PAPLN: variants seen among roughly 807,000 people sequenced by gnomAD.
PAPLN encodes papilin.
PAPLN carries 146 observed loss-of-function variants against 159.0 expected under a neutral mutation model. That is an observed-to-expected ratio of 0.92 (90% CI 0.80 to 1.05). The LOEUF (loss-of-function observed/expected upper bound fraction) is 1.05. Ranked by LOEUF, PAPLN falls within the 50% of genes least tolerant of loss-of-function variation. The pLI is 0.00. For synonymous variants in PAPLN, 734 were observed against 702.9 expected (o/e 1.04, Z -0.70); for missense variants, 1,720 against 1,743.9 (o/e 0.99, Z 0.24).
In PAPLN at chr14:73,260,650, G is replaced by A. The variant is rs372955610; in HGVS notation, c.1986-59G>A. ...TGGGGAGCCTCAGAGCCTGGGTCCT[G>A]GGATGCAGGGAGCGTGGGGGCAGGC... On this transcript the variant is annotated intron_variant, in intron 16 of 26. Transcript: ENST00000644200. 2.9e-5 allele frequency: 40 copies of A among 1,387,228 alleles called. 1 individual carries two copies. The South Asian group carries it at 4.3e-4, about 15-fold the overall frequency. 85.9% of individuals were successfully genotyped at this position (1,387,228 alleles called of 1,614,324 possible).
chr14:73,250,110 G>A lies in PAPLN; in HGVS notation c.461G>A (p.Cys154Tyr), dbSNP rs369371413. 3.7e-6 allele frequency: 6 copies of A among 1,606,882 alleles called. No homozygotes were observed. In the African/African-American group the frequency reaches 5.3e-5, roughly 14 times the overall value. Residue 154 changes from cysteine to tyrosine, a missense_variant, in exon 6 of 27, where the codon TGC (cysteine) becomes TAC (tyrosine). Transcript: ENST00000644200. ...GKRDVCVDGS[C>Y]RVVGCDHELD... ...AGGGATGTCTGTGTGGATGGCAGCT[G>A]CCGGGTGAGTGGTGCCCCAGCCCCT...
intron 11 of PAPLN, among the ~76,000 whole-genome samples, 155 bp from the exon 12 acceptor site, chr14:73,253,599 C>T (rs1011672071): frequency 1.3e-5 from 2 of 152,090 alleles, no homozygotes; most frequent in Non-Finnish European, 2.9e-5. Context: ...TGCTAAGGAG[C>T]GCCTGGGTCG....
chr14:73,242,543 G>C (rs184831730), intron 2 of PAPLN: 28 of 152,334 alleles, frequency 1.8e-4, no homozygotes, highest in African/African-American at 4.6e-4. Context: ...CTGTGTGTGG[G>C]GGGGGCGGGT....
intron 23 of PAPLN, 91 bp from the exon 24 acceptor site, chr14:73,266,410 G>GT: frequency 6.7e-7 from 1 of 1,484,410 alleles, no homozygotes; most frequent in Non-Finnish European, 9.0e-7. Context: ...AAGACCTTGT[G>GT]TTCCCTCCCT....
chr14:73,263,442 T>A (rs1886805813), intron 19 of PAPLN: 3 of 635,422 alleles, frequency 4.7e-6, no homozygotes, highest in Non-Finnish European at 8.2e-6. Flanking sequence ...CAGTGATGCT[T>A]GGGGGAGCCG....
intron 14 of PAPLN, among the ~76,000 whole-genome samples, chr14:73,255,660 C>T (rs1885820543): frequency 7.0e-6 from 1 of 142,198 alleles, no homozygotes; most frequent in South Asian, 2.6e-4. Flanking sequence ...TTGTGGTGAG[C>T]TGGGGATGGG....
intron 5 of PAPLN, chr14:73,246,778 G>A (rs1884431591): frequency 6.6e-6 from 1 of 151,316 alleles, no homozygotes; most frequent in Admixed American, 6.6e-5. Flanking sequence ...AAGTAAATAT[G>A]GAATGCTTCA....
At position 73,246,119 on chromosome 14, in the gene PAPLN, A is replaced by G. The variant is rs1177788817; in HGVS notation, c.278A>G (p.Glu93Gly). 1.3e-6 allele frequency: 2 copies of G among 1,590,332 alleles called. No homozygotes were observed. The highest frequency in any genetic ancestry group is 3.5e-5 in the Admixed American group (2 of 57,390). ...GACTTCCGGGCCGAGCAGTGCGCGGAGTTCGACGGAGCGGAGTTCCAGGGG... is the reference window on the plus strand; with the variant it reads ...GACTTCCGGGCCGAGCAGTGCGCGGGGTTCGACGGAGCGGAGTTCCAGGGG... The part of the protein sequence containing the change: ...ARDFRAEQCA[E>G]FDGAEFQGRR... Residue 93 changes from glutamate (E) to glycine (G), a missense_variant, in exon 5 of 27, where the codon GAG (glutamate) becomes GGG (glycine). Glu to Gly is a moderately conservative substitution (Grantham distance 98, BLOSUM62 -2). Coordinates refer to ENST00000644200, the MANE Select transcript of PAPLN (RefSeq NM_001365906.3).
chr14:73,241,927 T>C (rs1367977078), intron 2 of PAPLN, among the ~76,000 whole-genome samples: 1 of 152,190 alleles, frequency 6.6e-6, no homozygotes, highest in Non-Finnish European at 1.5e-5. Context: ...AGGGGACCCC[T>C]GAGTGGCTCC....
chr14:73,264,637 G>A lies in PAPLN; in HGVS notation c.3036G>A (p.Gln1012=), dbSNP rs1209465182. 1 of 1,604,744 alleles carries A rather than the reference G, an allele frequency of 6.2e-7. No individual in the cohort carries two copies. Among genetic ancestry groups the A allele is most frequent in the Non-Finnish European group, 8.5e-7 (1 of 1,177,692 alleles). The change falls in exon 22 of 27, where the codon CAG becomes CAA. Residue 1012 remains glutamine (Q), a synonymous_variant. Transcript: ENST00000644200. ...AGGCTGAGCTGAGCCGCTTCCCTCA[G>A]CCCAGGGACCCAGCTCAGGACTTTG... ...LSEAELSRFP[Q]PRDPAQDFGQ... is the part of the protein sequence containing the mutation.
intron 20 of PAPLN, 136 bp downstream of exon 20, chr14:73,263,918 C>CA: frequency 8.7e-7 from 1 of 1,144,408 alleles, no homozygotes; most frequent in Non-Finnish European, 1.2e-6. Flanking sequence ...GTGTGTGTGA[C>CA]AGCCCCCCTA....
intron 21 of PAPLN, 89 bp downstream of exon 21, chr14:73,264,424 G>A (rs564569837): frequency 1.4e-5 from 22 of 1,550,980 alleles, no homozygotes; most frequent in African/African-American, 9.5e-5. Context: ...GCTGCCTCAC[G>A]CTAGAGGGGC....
intron 10 of PAPLN, 138 bp downstream of exon 10, chr14:73,252,279 T>C: frequency 1.5e-6 from 2 of 1,336,268 alleles, no homozygotes; most frequent in Non-Finnish European, 2.0e-6. Flanking sequence ...ATCTCTGTGT[T>C]ATGGGGGTCG....
chr14:73,264,080 C>T (rs1168480004), intron 20 of PAPLN, 131 bp from the exon 21 acceptor site: 10 of 1,537,130 alleles, frequency 6.5e-6, no homozygotes, highest in Non-Finnish European at 8.8e-6. Flanking sequence ...CATATTCCCC[C>T]AGCCTCACTT....
At chr14:73,270,861 C>G (rs1176505956) in intron 26 of PAPLN, among the ~76,000 whole-genome samples, 2 of 152,140 alleles carry the variant, frequency 1.3e-5, no homozygotes, top group African/African-American at 4.8e-5. Flanking sequence ...TTTGTTGGGT[C>G]ATACGGTGTG....
At chr14:73,266,015 T>C (rs1433719021) in intron 23 of PAPLN, among the ~76,000 whole-genome samples, 2 of 152,124 alleles carry the variant, frequency 1.3e-5, no homozygotes, top group African/African-American at 2.4e-5. Flanking sequence ...TCAGAAAACT[T>C]GAAATGGTTT....
intron 26 of PAPLN, 58 bp from the exon 27 acceptor site, chr14:73,272,437 A>C (rs952670681): frequency 4.8e-5 from 67 of 1,406,178 alleles, no homozygotes; most frequent in Non-Finnish European, 5.1e-5. Flanking sequence ...GGCAGGTGAG[A>C]ATTTTCAGCA....
intron 17 of PAPLN, 61 bp from the exon 18 acceptor site, chr14:73,261,095 C>T (rs1213550911): frequency 2.5e-6 from 4 of 1,613,314 alleles, no homozygotes; most frequent in Non-Finnish European, 3.4e-6. Flanking sequence ...CGTGGCAGCC[C>T]AGAGTCCCCA....
At chr14:73,266,318 G>T (rs533803373) in intron 23 of PAPLN, among the ~76,000 whole-genome samples, 183 bp from the exon 24 acceptor site, 1 of 152,312 alleles carries the variant, frequency 6.6e-6, no homozygotes, top group East Asian at 1.9e-4. Flanking sequence ...GCAGCTGCAG[G>T]TGTAAAGTCT....
Sources: allele counts gnomAD v4.1 joint callset (sites outside exome capture counted in the v4.1 genomes callset), GRCh38; gene constraint gnomAD v4.1.1; transcripts MANE v1.5; gene names NCBI Gene and HGNC (gene_info 2026-07-23, HGNC 2026-07-21).